Variants in C9orf72 observed in about 807,000 individuals in gnomAD.
C9orf72 encodes the protein C9orf72-SMCR8 complex subunit.
A neutral mutation model predicts 51.6 loss-of-function variants in C9orf72; 44 were observed. The ratio of observed to expected loss-of-function variants is 0.85; its 90% confidence interval spans 0.67 to 1.10. The LOEUF (loss-of-function observed/expected upper bound fraction) is 1.10. C9orf72 is among the 50% of genes least tolerant of loss of function. The pLI, the probability that C9orf72 is intolerant of heterozygous loss-of-function variation, is 0.00. For synonymous variants in C9orf72, 213 were observed against 194.2 expected, an observed-to-expected ratio of 1.10 and a Z score of -0.81; for missense variants, 607 against 570.6, an observed-to-expected ratio of 1.06 and a Z score of -0.65.
At chr9:27,558,975 A>G (rs1159706491) in intron 6 of C9orf72, 2 of 156,954 alleles carry the variant, frequency 1.3e-5, no homozygotes, top group East Asian at 3.8e-4. Context: ...TGTAAGAAAT[A>G]TCAAAGAATG....
At chr9:27,561,310 A>G in intron 5 of C9orf72, 2 of 1,203,928 alleles carry the variant, frequency 1.7e-6, no homozygotes, top group Non-Finnish European at 2.1e-6. Context: ...CTTTAATGAG[A>G]AGTAAAACAA....
At chr9:27,556,913 A>C in intron 7 of C9orf72, 117 bp from the exon 8 acceptor site, 8 of 703,966 alleles carry the variant, frequency 1.1e-5, no homozygotes, top group Non-Finnish European at 1.9e-5. Context: ...ATTTATCCTA[A>C]GAAGCTATTC....
chr9:27,551,621 C>T (rs117867610), intron 8 of C9orf72, among the ~76,000 whole-genome samples: 4,328 of 152,236 alleles, frequency 0.028, 294 homozygotes, highest in East Asian at 0.18. Flanking sequence ...AACGAGTGTA[C>T]CACACTACAG....
intron 1 of C9orf72, among the ~76,000 whole-genome samples, chr9:27,572,254 T>C (rs1462549165): frequency 1.3e-5 from 2 of 152,196 alleles, no homozygotes; most frequent in African/African-American, 4.8e-5. Flanking sequence ...TATCAGCATG[T>C]AGCAGTTTCC....
At chr9:27,548,799 C>A in intron 9 of C9orf72, 133 bp from the exon 10 acceptor site, 2 of 585,370 alleles carry the variant, frequency 3.4e-6, no homozygotes, top group Non-Finnish European at 6.2e-6. Context: ...CACTGATGCC[C>A]CCTAACAGGA....
intron 1 of C9orf72, among the ~76,000 whole-genome samples, chr9:27,570,515 G>T (rs990572143): frequency 1.3e-5 from 2 of 151,876 alleles, no homozygotes; most frequent in Non-Finnish European, 2.9e-5. Context: ...CTTTTACCAC[G>T]TTGTGAAAAT....
rs377349627 is a variant in C9orf72 at position 27,548,773 on chromosome 9, T to C, written c.1150-107A>G. 3.0e-4 allele frequency: 195 copies of C among 655,772 alleles called. 2 individuals carry two copies. In the East Asian group the frequency reaches 5.0e-3, roughly 17 times the overall value. The allele number at this position is 655,772 out of a possible 1,614,324, so 40.6% of individuals were successfully genotyped here. On this transcript the variant is annotated intron_variant, in intron 9 of 10. Transcript: ENST00000380003. ...CTTGGCAGACAATACACACTAAACA[T>C]CTCCTTAACCATTTCCACTGATGCC...
At chr9:27,556,244 G>T (rs1415942533) in intron 8 of C9orf72, among the ~76,000 whole-genome samples, 2 of 151,962 alleles carry the variant, frequency 1.3e-5, no homozygotes, top group Non-Finnish European at 2.9e-5. Flanking sequence ...CAATGTAGGG[G>T]CTGGGGCTGG....
intron 8 of C9orf72, among the ~76,000 whole-genome samples, chr9:27,555,871 T>C (rs1161907680): frequency 6.6e-6 from 1 of 152,118 alleles, no homozygotes; most frequent in Non-Finnish European, 1.5e-5. Flanking sequence ...TTTCAACTGA[T>C]AAAAGAGAAA....
chr9:27,551,130 T>C (rs775235984), intron 8 of C9orf72, among the ~76,000 whole-genome samples: 5 of 151,586 alleles, frequency 3.3e-5, no homozygotes, highest in Admixed American at 6.6e-5. Context: ...GCCACTACCA[T>C]CAAAAACCAA....
chr9:27,551,393 C>T (rs751397127), intron 8 of C9orf72, among the ~76,000 whole-genome samples: 6 of 152,222 alleles, frequency 3.9e-5, no homozygotes, highest in African/African-American at 1.4e-4. Flanking sequence ...AACAGGACTA[C>T]TTATTCCCTT....
At chr9:27,555,582 AAGAC>A (rs1563900666) in intron 8 of C9orf72, among the ~76,000 whole-genome samples, 1 of 148,930 alleles carries the variant, frequency 6.7e-6, no homozygotes, top group Non-Finnish European at 1.5e-5. Flanking sequence ...TTTTTTAAAT[AAGAC>A]AGAGTCTCGG....
At chr9:27,572,114 C>A (rs1819599472) in intron 1 of C9orf72, among the ~76,000 whole-genome samples, 3 of 152,184 alleles carry the variant, frequency 2.0e-5, no homozygotes, top group African/African-American at 7.2e-5. Context: ...TTGTGGAGTG[C>A]CAACATAGCC....
intron 8 of C9orf72, among the ~76,000 whole-genome samples, chr9:27,555,963 T>C (rs571100794): frequency 1.3e-5 from 2 of 152,188 alleles, no homozygotes; most frequent in East Asian, 3.9e-4. Flanking sequence ...TATAGATTTA[T>C]CATCATCATT....
At chr9:27,565,494 T>G in intron 3 of C9orf72, 37 bp downstream of exon 3, 231 of 1,370,390 alleles carry the variant, frequency 1.7e-4, no homozygotes, top group Non-Finnish European at 2.2e-4. Flanking sequence ...ATACATGCTG[T>G]GAGAAAAACA....
In C9orf72 at chr9:27,554,584, G is replaced by C. The variant is rs1452425338; in HGVS notation, c.1091+1977C>G. On this transcript the variant is annotated intron_variant, in intron 8 of 10. Transcript: ENST00000380003. Reference sequence around the variant, plus strand: ...CCTGTACACCAAACCCTCATGACACGCAATTTACCTGTATAACACACCTGC... The same window carrying C: ...CCTGTACACCAAACCCTCATGACACCCAATTTACCTGTATAACACACCTGC... The C allele has an allele frequency of 1.8e-5, 7 of 398,014 alleles. No individual in the cohort carries two copies. The East Asian group carries it at 2.5e-4, about 14-fold the overall frequency. The allele number at this position is 398,014 out of a possible 1,614,324, so 24.7% of individuals were successfully genotyped here.
At chr9:27,571,867 G>A (rs1819593248) in intron 1 of C9orf72, among the ~76,000 whole-genome samples, 1 of 152,184 alleles carries the variant, frequency 6.6e-6, no homozygotes, top group Admixed American at 6.5e-5. Context: ...CAAGGACAGT[G>A]AACTGTTTAC....
intron 3 of C9orf72, among the ~76,000 whole-genome samples, chr9:27,564,360 A>G (rs1389551770): frequency 1.3e-5 from 2 of 152,176 alleles, no homozygotes; most frequent in Admixed American, 1.3e-4. Flanking sequence ...TGGTTTGAAA[A>G]AACAAAATCC....
chr9:27,551,440 A>G (rs1228974264), intron 8 of C9orf72, among the ~76,000 whole-genome samples: 1 of 152,066 alleles, frequency 6.6e-6, no homozygotes, highest in East Asian at 1.9e-4. Flanking sequence ...TTTCTCTTCC[A>G]TTTTCCCTAG....
Sources: gnomAD v4.1 joint callset for allele counts (sites outside exome capture counted in the v4.1 genomes callset) on GRCh38, gnomAD v4.1.1 for gene constraint, MANE v1.5 for transcripts, NCBI Gene and HGNC (gene_info 2026-07-23, HGNC 2026-07-21) for gene names.